Variants in SNX24 observed in about 807,000 individuals in gnomAD.
SNX24 encodes sorting nexin 24, also known as sorting nexin-24.
Under a neutral mutation model 28.7 loss-of-function variants are expected in SNX24, and 22 were observed. The ratio of observed to expected loss-of-function variants is 0.77; its 90% CI spans 0.55 to 1.10. The LOEUF (loss-of-function observed/expected upper bound fraction) is 1.10. SNX24 is among the 50% of genes least tolerant of loss of function. The probability of loss-of-function intolerance (pLI) is 0.00; values close to 1 mark genes in which losing one functional copy is unlikely to be tolerated. For synonymous variants in SNX24, 69 were observed against 71.5 expected, an observed-to-expected ratio of 0.96 and a Z score of 0.18; for missense variants, 221 against 201.1, an observed-to-expected ratio of 1.10 and a Z score of -0.60.
chr5:122,993,946 T>C (rs1012721810), intron 3 of SNX24, among the ~76,000 whole-genome samples: 1 of 152,214 alleles, frequency 6.6e-6, no homozygotes, highest in African/African-American at 2.4e-5. Flanking sequence ...CTTAAAGTGC[T>C]CTTGTAAACC....
At chr5:122,922,522 G>A (rs1270166231) in intron 1 of SNX24, among the ~76,000 whole-genome samples, 1 of 151,770 alleles carries the variant, frequency 6.6e-6, no homozygotes, top group Non-Finnish European at 1.5e-5. Context: ...CAAAGTGCTG[G>A]GATTACAGGT....
chr5:122,911,251 G>C (rs887980507), intron 1 of SNX24, among the ~76,000 whole-genome samples: 1 of 152,262 alleles, frequency 6.6e-6, no homozygotes, highest in African/African-American at 2.4e-5. Context: ...GTGTCTTTTG[G>C]CTGCATAAAT....
intron 1 of SNX24, among the ~76,000 whole-genome samples, chr5:122,930,776 A>T (rs1758917625): frequency 6.6e-6 from 1 of 152,134 alleles, no homozygotes; most frequent in Admixed American, 6.5e-5. Context: ...TTCTTTCGAA[A>T]GCAGAATCAT....
intron 3 of SNX24, among the ~76,000 whole-genome samples, chr5:122,986,301 C>T (rs765762767): frequency 1.3e-5 from 2 of 152,124 alleles, no homozygotes; most frequent in Non-Finnish European, 2.9e-5. Flanking sequence ...GAAGTCTAGC[C>T]TGGAGATGTG....
chr5:122,905,828 C>T (rs1757625090), intron 1 of SNX24, among the ~76,000 whole-genome samples: 1 of 152,222 alleles, frequency 6.6e-6, no homozygotes, highest in South Asian at 2.1e-4. Flanking sequence ...TGATTTTTAC[C>T]TGACCCTGAC....
At position 123,003,102 on chromosome 5, in the gene SNX24, A is replaced by G. The variant is rs1218806118; in HGVS notation, c.442+1098A>G. Among the ~76,000 whole-genome samples, 4 of 152,162 alleles carry G rather than the reference A, an allele frequency of 2.6e-5. 1 individual carries two copies. Among genetic ancestry groups the G allele is most frequent in the Non-Finnish European group, 5.9e-5 (4 of 68,022 alleles). On this transcript the variant is annotated intron_variant, in intron 6 of 6. Coordinates refer to ENST00000261369, the MANE Select transcript of SNX24 (RefSeq NM_014035.4). ...ATTGAAACCCTCCCTGTTTCTGACA[A>G]TAAAACCTTATGAGCAGGAGAAAGG...
intron 3 of SNX24, among the ~76,000 whole-genome samples, chr5:122,989,695 C>T (rs1312416317): frequency 6.6e-6 from 1 of 152,144 alleles, no homozygotes; most frequent in Admixed American, 6.5e-5. Flanking sequence ...CTGGATCTTG[C>T]ATAGATGCAA....
At chr5:122,923,547 C>G (rs943024272) in intron 1 of SNX24, among the ~76,000 whole-genome samples, 2 of 152,110 alleles carry the variant, frequency 1.3e-5, no homozygotes, top group African/African-American at 2.4e-5. Flanking sequence ...TGAGGAGGGT[C>G]TTTAATTGTA....
chr5:122,901,707 T>G (rs1757455729), intron 1 of SNX24, among the ~76,000 whole-genome samples: 1 of 152,116 alleles, frequency 6.6e-6, no homozygotes, highest in Non-Finnish European at 1.5e-5. Context: ...GACCCTCCAT[T>G]CTCTCCCTTG....
intron 1 of SNX24, among the ~76,000 whole-genome samples, chr5:122,933,897 C>T (rs1465313566): frequency 6.6e-6 from 1 of 151,834 alleles, no homozygotes; most frequent in Non-Finnish European, 1.5e-5. Flanking sequence ...ATTCTCCTGC[C>T]TCAGCCTGCC....
chr5:122,934,123 C>T (rs1416926587), intron 1 of SNX24, among the ~76,000 whole-genome samples: 1 of 152,062 alleles, frequency 6.6e-6, no homozygotes, highest in Non-Finnish European at 1.5e-5. Flanking sequence ...GGCTCGCAGG[C>T]CCTCAGTAAA....
intron 3 of SNX24, among the ~76,000 whole-genome samples, chr5:122,967,483 C>T (rs1439715761): frequency 1.3e-5 from 2 of 152,190 alleles, no homozygotes; most frequent in Non-Finnish European, 2.9e-5. Flanking sequence ...TGCCCTCTCA[C>T]TAGCGTGTCT....
chr5:123,020,897 C>T (rs1212966107), intron 5 of SNX24, among the ~76,000 whole-genome samples: 1 of 152,192 alleles, frequency 6.6e-6, no homozygotes, highest in Non-Finnish European at 1.5e-5. Flanking sequence ...AATGATGGCT[C>T]ATTCACATGA....
chr5:122,845,718 G>T, intron 1 of SNX24, 25 bp downstream of exon 1: 1 of 1,341,452 alleles, frequency 7.5e-7, no homozygotes, highest in African/African-American at 1.5e-5. Flanking sequence ...CGGGCGGACA[G>T]GGCCCCGCGA....
chr5:123,014,485 A>G (rs922006577), intron 5 of SNX24, among the ~76,000 whole-genome samples: 3 of 151,862 alleles, frequency 2.0e-5, no homozygotes, highest in Non-Finnish European at 4.4e-5. Flanking sequence ...GCAATTCTGA[A>G]CCAGACATGA....
intron 1 of SNX24, among the ~76,000 whole-genome samples, chr5:122,875,378 A>C (rs1756178228): frequency 6.6e-6 from 1 of 152,240 alleles, no homozygotes; most frequent in Admixed American, 6.5e-5. Context: ...GTGTGTGTCT[A>C]TGGATAGCCC....
chr5:122,929,486 A>G (rs758479360), intron 1 of SNX24, among the ~76,000 whole-genome samples: 35 of 152,038 alleles, frequency 2.3e-4, no homozygotes, highest in Non-Finnish European at 4.3e-4. Context: ...CTAAGTCTGT[A>G]CTGCTCAGTG....
rs76400881 is a variant in SNX24 at position 123,023,984 on chromosome 5, T to A, written n.384-5254T>A. On this transcript the variant is annotated intron_variant and non_coding_transcript_variant, in intron 5 of 5. Coordinates refer to the SNX24 transcript ENST00000502387. ...GTCATGCCCATCAGTTGCTTGGAGC[T>A]CTATGGAGTGCACCACTGTCTGGTG... 1.7e-4 allele frequency: 272 copies of A among 1,613,536 alleles called. 3 individuals carry two copies. The East Asian group carries it at 5.7e-3, about 34-fold the overall frequency.
intron 1 of SNX24, among the ~76,000 whole-genome samples, chr5:122,902,902 C>A (rs1013296640): frequency 6.6e-6 from 1 of 152,146 alleles, no homozygotes; most frequent in African/African-American, 2.4e-5. Context: ...TATTAGTCTG[C>A]CACTGTTGCA....
Sources: allele counts gnomAD v4.1 joint callset (sites outside exome capture counted in the v4.1 genomes callset), GRCh38; gene constraint gnomAD v4.1.1; transcripts MANE v1.5; gene names NCBI Gene and HGNC (gene_info 2026-07-23, HGNC 2026-07-21).